GDPD5: variants seen among roughly 807,000 people sequenced by gnomAD.
GDPD5 encodes glycerophosphodiester phosphodiesterase 2.
In GDPD5, 48 loss-of-function variants were observed where a neutral mutation model predicts 75.1. The ratio of observed to expected loss-of-function variants is 0.64; its 90% CI spans 0.51 to 0.81. The LOEUF (loss-of-function observed/expected upper bound fraction) is 0.81. Among genes scored for constraint, GDPD5 ranks in the 40% least tolerant of loss-of-function variants. The probability of loss-of-function intolerance (pLI) is 0.00; values close to 1 mark genes in which losing one functional copy is unlikely to be tolerated. For synonymous variants in GDPD5, 336 were observed against 339.0 expected, an observed-to-expected ratio of 0.99 and a Z score of 0.10; for missense variants, 706 against 822.6, an observed-to-expected ratio of 0.86 and a Z score of 1.73.
At chr11:75,516,091 A>C (rs1207459350) in intron 1 of GDPD5, 2 of 152,156 alleles carry the variant, frequency 1.3e-5, no homozygotes, top group African/African-American at 4.8e-5. Context: ...CTGGGAACTG[A>C]CCTCTGTGGA....
chr11:75,441,601 C>A, intron 13 of GDPD5, 45 bp downstream of exon 13: 3 of 1,504,292 alleles, frequency 2.0e-6, no homozygotes, highest in Non-Finnish European at 1.8e-6. Flanking sequence ...CTGGGAGAGA[C>A]TCAGTCCCAC....
intron 6 of GDPD5, among the ~76,000 whole-genome samples, chr11:75,455,884 C>T (rs1013043446): frequency 1.3e-5 from 2 of 152,146 alleles, no homozygotes; most frequent in Non-Finnish European, 2.9e-5. Context: ...CTGCTTTGGG[C>T]CCAGCCCTGA....
intron 1 of GDPD5, among the ~76,000 whole-genome samples, chr11:75,504,902 C>T (rs545030044): frequency 4.6e-5 from 7 of 152,160 alleles, no homozygotes; most frequent in Non-Finnish European, 7.4e-5. Flanking sequence ...CCGAGGCAGG[C>T]GGATCATGAG....
chr11:75,437,300 T>A (rs1948652375), intron 15 of GDPD5: 1 of 515,672 alleles, frequency 1.9e-6, no homozygotes, highest in Admixed American at 3.5e-5. Flanking sequence ...GGCCCAGGAC[T>A]AGGGTTGGTT....
intron 1 of GDPD5, among the ~76,000 whole-genome samples, chr11:75,494,525 T>C (rs768423791): frequency 1.2e-4 from 19 of 152,262 alleles, no homozygotes; most frequent in Non-Finnish European, 2.6e-4. Context: ...AGTTCATTTT[T>C]AGTTATTCCA....
At chr11:75,481,891 T>C (rs1314967683) in intron 2 of GDPD5, among the ~76,000 whole-genome samples, 1 of 152,080 alleles carries the variant, frequency 6.6e-6, no homozygotes, top group East Asian at 1.9e-4. Flanking sequence ...TGAGCCTTGG[T>C]TTCTGAATCT....
At chr11:75,501,865 A>G (rs1281297270) in intron 1 of GDPD5, among the ~76,000 whole-genome samples, 1 of 152,236 alleles carries the variant, frequency 6.6e-6, no homozygotes, top group South Asian at 2.1e-4. Flanking sequence ...GAAGTTTCTA[A>G]TTTACTGGAA....
At chr11:75,482,299 T>G (rs1054756863) in intron 2 of GDPD5, among the ~76,000 whole-genome samples, 7 of 152,000 alleles carry the variant, frequency 4.6e-5, no homozygotes, top group Admixed American at 1.3e-4. Context: ...GTGTAGGGGA[T>G]TCTCTGGGAG....
chr11:75,468,684 C>A (rs1009433704), intron 3 of GDPD5, among the ~76,000 whole-genome samples: 2 of 152,124 alleles, frequency 1.3e-5, no homozygotes, highest in African/African-American at 2.4e-5. Flanking sequence ...CCGACGCCCC[C>A]CCCCCGGGAG....
chr11:75,488,693 C>T (rs559476325), intron 2 of GDPD5, among the ~76,000 whole-genome samples: 3 of 152,312 alleles, frequency 2.0e-5, no homozygotes, highest in African/African-American at 7.2e-5. Context: ...AGACCCTGTG[C>T]AAAGCTTGGG....
rs542988118 is a variant in GDPD5 at position 75,439,364 on chromosome 11, G to A, written c.1556+515C>T. 4.4e-4 allele frequency: 200 copies of A among 456,548 alleles called. 2 individuals carry two copies. Among genetic ancestry groups the A allele is most frequent in the South Asian group, 2.8e-3 (182 of 64,540 alleles). 28.3% of individuals were successfully genotyped at this position (456,548 alleles called of 1,614,324 possible). A position where few individuals can be genotyped will look rare whatever the true frequency, so the allele number is the denominator to read the frequency against. The stretch of plus-strand genomic sequence containing the variant: ...CCTGATCAAGTGATAGCTGTGAGAT[G>A]CCAGAGTGCAGCAGAGAGAGGGGGA... On this transcript the variant is annotated intron_variant, in intron 15 of 16. Coordinates refer to ENST00000336898, the MANE Select transcript of GDPD5 (RefSeq NM_030792.8).
intron 14 of GDPD5, 81 bp from the exon 15 acceptor site, chr11:75,440,042 A>G (rs1948743859): frequency 1.9e-6 from 2 of 1,056,378 alleles, no homozygotes; most frequent in Admixed American, 2.1e-5. Context: ...CGTGGACCAA[A>G]GGACCCCACA....
intron 3 of GDPD5, among the ~76,000 whole-genome samples, chr11:75,476,855 T>C (rs1949789181): frequency 6.6e-6 from 1 of 152,074 alleles, no homozygotes; most frequent in Admixed American, 6.6e-5. Context: ...GCCTCTGACA[T>C]CAGCGGCAGC....
chr11:75,456,476 A>G, intron 6 of GDPD5: 1 of 481,666 alleles, frequency 2.1e-6, no homozygotes, highest in Non-Finnish European at 3.8e-6. Context: ...AAACTGGGAG[A>G]CCTTAGGCAA....
In GDPD5 at chr11:75,499,959, C is replaced by T. The variant is rs564643846; in HGVS notation, c.-144-9639G>A. On this transcript the variant is annotated intron_variant, in intron 1 of 16. Transcript: ENST00000336898. The stretch of plus-strand genomic sequence containing the variant: ...GGAGCTTCTGCCTCCTGGGATCCTC[C>T]CCACACCCCAGGGTGGCTGCTACCA... 1.1e-4 allele frequency among the ~76,000 whole-genome samples: 16 copies of T among 152,324 alleles called. No individual in the cohort carries two copies. The South Asian group carries it at 3.1e-3, about 30-fold the overall frequency.
chr11:75,517,831 C>T (rs917659899), intron 1 of GDPD5, among the ~76,000 whole-genome samples: 5 of 152,034 alleles, frequency 3.3e-5, no homozygotes, highest in South Asian at 2.1e-4. Flanking sequence ...CTCTGACATT[C>T]TTCAGTTCTC....
intron 3 of GDPD5, 93 bp from the exon 4 acceptor site, chr11:75,462,982 G>T: frequency 1.0e-6 from 1 of 996,154 alleles, no homozygotes; most frequent in Non-Finnish European, 1.5e-6. Flanking sequence ...CTCCCACTTT[G>T]TAGCCAAACC....
At chr11:75,472,988 A>C (rs1949701611) in intron 3 of GDPD5, among the ~76,000 whole-genome samples, 1 of 151,934 alleles carries the variant, frequency 6.6e-6, no homozygotes, top group Admixed American at 6.6e-5. Context: ...ATGAGTCTTA[A>C]GGGGCAGGGA....
intron 3 of GDPD5, among the ~76,000 whole-genome samples, 173 bp from the exon 4 acceptor site, chr11:75,463,062 C>A (rs1949447876): frequency 6.6e-6 from 1 of 152,200 alleles, no homozygotes; most frequent in South Asian, 2.1e-4. Context: ...AGTGACCTGT[C>A]CACCATCACC....
Sources: gnomAD v4.1 joint callset for allele counts (sites outside exome capture counted in the v4.1 genomes callset) on GRCh38, gnomAD v4.1.1 for gene constraint, MANE v1.5 for transcripts, NCBI Gene and HGNC (gene_info 2026-07-23, HGNC 2026-07-21) for gene names.